The following DNAAF11 variants were observed in gnomAD, a reference collection of about 807,000 sequenced individuals.
DNAAF11 encodes the protein leucine rich repeat containing 6.
DNAAF11 carries 45 observed loss-of-function variants against 60.8 expected under a neutral mutation model. The ratio of observed to expected loss-of-function variants is 0.74; its 90% confidence interval spans 0.58 to 0.95. DNAAF11 has a LOEUF of 0.95. DNAAF11 is among the 40% of genes least tolerant of loss of function. DNAAF11 has a pLI of 0.00. For synonymous variants in DNAAF11, 191 were observed against 183.5 expected (o/e 1.04, Z -0.33); for missense variants, 546 against 546.2 (o/e 1.00, Z 0.00).
chr8:132,596,839 G>T (rs948070651), intron 10 of DNAAF11, among the ~76,000 whole-genome samples: 1 of 152,220 alleles, frequency 6.6e-6, no homozygotes, highest in Non-Finnish European at 1.5e-5. Context: ...CATCAGCCTG[G>T]TTCCCAGCCT....
chr8:132,675,545 C>T lies in DNAAF11; in HGVS notation c.-52G>A, dbSNP rs749265160. ...CAAGCCGGACCCGGACCTCGAATGA[C>T]GCTTTTCACCCTTCACCCCTGCTCC... On this transcript the variant is annotated 5_prime_UTR_variant, in exon 1 of 12. Coordinates refer to ENST00000620350, the MANE Select transcript of DNAAF11 (RefSeq NM_012472.6). 13 of 1,543,846 alleles carry T rather than the reference C, an allele frequency of 8.4e-6. No individual in the cohort carries two copies. Among genetic ancestry groups the T allele is most frequent in the East Asian group, 2.5e-5 (1 of 40,100 alleles).
rs138972223 is a variant in DNAAF11, at chr8:132,590,011, G to T, written c.1141-6232C>A. ...AGACCTTTGCAGTACTTTCATGTGG[G>T]TGTGACATGGTGTCTTAACGCATAG... On this transcript the variant is annotated intron_variant, in intron 10 of 11. Transcript: ENST00000620350. Among the ~76,000 whole-genome samples the T allele has an allele frequency of 6.6e-5, 10 of 152,296 alleles. No homozygotes were observed. The East Asian group carries it at 1.5e-3, about 24-fold the overall frequency.
upstream of DNAAF11, among the ~76,000 whole-genome samples, chr8:132,679,238 T>C (rs922546118): frequency 5.9e-5 from 9 of 152,328 alleles, no homozygotes; most frequent in African/African-American, 1.9e-4. Flanking sequence ...TTATTGTTGT[T>C]TGTTTGTTTC....
At chr8:132,656,111 GCAGA>G (rs1430788592) in intron 3 of DNAAF11, among the ~76,000 whole-genome samples, 1 of 152,208 alleles carries the variant, frequency 6.6e-6, no homozygotes, top group East Asian at 1.9e-4. Flanking sequence ...ATGTCCATCT[GCAGA>G]CAGATGGTTA....
chr8:132,640,548 C>T (rs1416472304), intron 3 of DNAAF11, among the ~76,000 whole-genome samples: 1 of 151,996 alleles, frequency 6.6e-6, no homozygotes, highest in Non-Finnish European at 1.5e-5. Flanking sequence ...CTTTTAATAC[C>T]ATCATTATTT....
At chr8:132,594,143 G>C (rs1563990109) in intron 10 of DNAAF11, among the ~76,000 whole-genome samples, 1 of 152,016 alleles carries the variant, frequency 6.6e-6, no homozygotes, top group African/African-American at 2.4e-5. Context: ...ATCAGATAAG[G>C]AATGAATAAG....
chr8:132,620,143 G>C (rs953327497), intron 7 of DNAAF11, among the ~76,000 whole-genome samples: 1 of 152,098 alleles, frequency 6.6e-6, no homozygotes. Context: ...GTCCATCTGA[G>C]ATCTGTGGTT....
Position 132,656,886 on chromosome 8 carries a change from T to G in DNAAF11, c.200A>C (p.Lys67Thr). 1 of 1,382,968 alleles carries G rather than the reference T, an allele frequency of 7.2e-7. No individual in the cohort carries two copies. The highest frequency in any genetic ancestry group is 2.4e-5 in the East Asian group (1 of 42,498). 85.7% of individuals were successfully genotyped at this position (1,382,968 alleles called of 1,614,324 possible). A position where few individuals can be genotyped will look rare whatever the true frequency, so the allele number is the denominator to read the frequency against. Residue 67 changes from lysine (K) to threonine (T), a missense_variant, in exon 3 of 12, where the codon AAA becomes ACA. Transcript: ENST00000620350. ...GKIENVSKLKKLEYLNLALNN... is the reference protein window; with the variant it reads ...GKIENVSKLKTLEYLNLALNN... ...TAAAGCTAAATTCAAATATTCAAGT[T>G]TCTTGAGTTTGCTAACATTTTCTGA...
chr8:132,621,827 C>T lies in DNAAF11; in HGVS notation c.914+784G>A, dbSNP rs568424058. Among the ~76,000 whole-genome samples, 7 of 152,242 alleles carry T rather than the reference C, an allele frequency of 4.6e-5. No individual in the cohort carries two copies. The South Asian group carries it at 1.2e-3, about 27-fold the overall frequency. Reference sequence around the variant, plus strand: ...TGTGACCTTGGGCAAGTCACTCCACCTCTCTCAGGCCCAGGTTCTGGACAT... The same window carrying T: ...TGTGACCTTGGGCAAGTCACTCCACTTCTCTCAGGCCCAGGTTCTGGACAT... On this transcript the variant is annotated intron_variant, in intron 7 of 11. Transcript: ENST00000620350.
Position 132,661,627 on chromosome 8 carries a change from A to G in DNAAF11, c.11T>C (p.Ile4Thr), listed in dbSNP as rs1339194509. 6.2e-7 allele frequency: 1 copy of G among 1,613,340 alleles called. No homozygotes were observed. The highest frequency in any genetic ancestry group is 1.1e-5 in the South Asian group (1 of 91,076). Residue 4 changes from isoleucine (I) to threonine (T), a missense_variant and splice_region_variant, in exon 2 of 12, where the codon ATC becomes ACC. Transcript: ENST00000620350. MGW[I>T]TEDLIRRNAE... ...ATTCCGTCTAATAAGATCTTCTGTGACTGGAAGAAAATGTGTTACATATTA... is the reference window on the plus strand; with the variant it reads ...ATTCCGTCTAATAAGATCTTCTGTGGCTGGAAGAAAATGTGTTACATATTA...
chr8:132,599,382 C>T (rs1817358760), intron 10 of DNAAF11, among the ~76,000 whole-genome samples: 1 of 152,140 alleles, frequency 6.6e-6, no homozygotes, highest in Non-Finnish European at 1.5e-5. Flanking sequence ...TGAAACTATT[C>T]CAATCAATAG....
Position 132,615,077 on chromosome 8 carries a change from T to A in DNAAF11, c.935A>T (p.Asp312Val). ...NEPKIDFSLK[D>V]NEKQIILDLA... ...GTCCAGGATGATCTGCTTTTCGTTATCTTTCAAAGAGAAGTCAATTCTAAG... is the reference window on the plus strand; with the variant it reads ...GTCCAGGATGATCTGCTTTTCGTTAACTTTCAAAGAGAAGTCAATTCTAAG... The change falls in exon 8 of 12, where the codon GAT becomes GTT. Residue 312 changes from aspartate to valine, a missense_variant. Transcript: ENST00000620350. The A allele has an allele frequency of 1.2e-6, 2 of 1,607,950 alleles. No homozygotes were observed. The highest frequency in any genetic ancestry group is 1.7e-4 in the Middle Eastern group (1 of 6,046).
Position 132,595,348 on chromosome 8 carries a change from G to GAAAAAAAAAAAAAAAAAAA in DNAAF11, c.1141-11588_1141-11570dup, listed in dbSNP as rs71306394. Among the ~76,000 whole-genome samples the GAAAAAAAAAAAAAAAAAAA allele has an allele frequency of 1.2e-4, 7 of 57,450 alleles. 1 individual carries two copies. The highest frequency in any genetic ancestry group is 6.7e-4 in the African/African-American group (6 of 8,960). 37.7% of individuals were successfully genotyped at this position (57,450 alleles called of 152,430 possible). On this transcript the variant is annotated intron_variant, in intron 10 of 11. Coordinates refer to ENST00000620350, the MANE Select transcript of DNAAF11 (RefSeq NM_012472.6). ...TCCCGAAAGAGAGAGAGACAGAGGG[G>GAAAAAAAAAAAAAAAAAAA]AAAAAAAAAAAAAAAAAAAAAAAAA...
intron 3 of DNAAF11, among the ~76,000 whole-genome samples, chr8:132,653,207 T>G (rs1340776774): frequency 3.9e-5 from 6 of 151,960 alleles, no homozygotes; most frequent in Non-Finnish European, 8.8e-5. Context: ...AATAGGTAGA[T>G]GGATGGATAG....
At chr8:132,670,775 G>C (rs530599694) in intron 1 of DNAAF11, among the ~76,000 whole-genome samples, 9 of 152,208 alleles carry the variant, frequency 5.9e-5, no homozygotes, top group African/African-American at 2.2e-4. Flanking sequence ...ACCAAGGGGG[G>C]AGTTATCCAA....
the DNAAF11 span, chr8:132,687,501 G>A: frequency 2.4e-6 from 1 of 413,632 alleles, no homozygotes; most frequent in Non-Finnish European, 4.8e-6. Flanking sequence ...CAGAGCAAGG[G>A]TTGCCTCATC....
intron 1 of DNAAF11, among the ~76,000 whole-genome samples, chr8:132,674,019 G>A (rs1450098138): frequency 6.6e-6 from 1 of 151,858 alleles, no homozygotes; most frequent in Non-Finnish European, 1.5e-5. Flanking sequence ...GGAGAAGGAG[G>A]AGAAGGAGCA....
chr8:132,665,792 G>C (rs1412435446), intron 1 of DNAAF11, among the ~76,000 whole-genome samples: 1 of 152,142 alleles, frequency 6.6e-6, no homozygotes, highest in Non-Finnish European at 1.5e-5. Context: ...AAAGACACCT[G>C]TACTCGTGTG....
the DNAAF11 span, among the ~76,000 whole-genome samples, chr8:132,690,492 C>A: frequency 6.6e-6 from 1 of 152,160 alleles, no homozygotes; most frequent in Non-Finnish European, 1.5e-5. Flanking sequence ...ATAAATTACC[C>A]AGTCTCAGGA....
Sources: allele counts gnomAD v4.1 joint callset (sites outside exome capture counted in the v4.1 genomes callset), GRCh38; gene constraint gnomAD v4.1.1; transcripts MANE v1.5; gene names NCBI Gene and HGNC (gene_info 2026-07-23, HGNC 2026-07-21).